GARNL3: variants seen among roughly 807,000 people sequenced by gnomAD.
GARNL3 encodes the protein GTPase activating Rap/RanGAP domain like 3.
In GARNL3, 63 loss-of-function variants were observed where a neutral mutation model predicts 125.0. That is an observed-to-expected ratio of 0.50 (90% CI 0.41 to 0.62). GARNL3 has a LOEUF of 0.62. Among genes scored for constraint, GARNL3 ranks in the 20% least tolerant of loss-of-function variants. GARNL3 has a pLI of 0.00. For missense variants in GARNL3, 994 were observed against 1,244.0 expected (o/e 0.80, Z 3.02); for synonymous variants, 439 against 457.5 (o/e 0.96, Z 0.52).
chr9:127,381,587 GCTTTT>G (rs376080056), intron 22 of GARNL3, among the ~76,000 whole-genome samples: 21 of 151,718 alleles, frequency 1.4e-4, no homozygotes, highest in East Asian at 5.8e-4. Context: ...CTAGCTTCTA[GCTTTT>G]CTTTTCTTTT....
At chr9:127,274,709 C>T (rs1207046784) in intron 1 of GARNL3, among the ~76,000 whole-genome samples, 5 of 152,132 alleles carry the variant, frequency 3.3e-5, no homozygotes, top group Non-Finnish European at 7.3e-5. Flanking sequence ...GGGATATGGT[C>T]CCCTGATGTA....
chr9:127,342,413 C>G, intron 14 of GARNL3, 79 bp downstream of exon 14: 1 of 949,370 alleles, frequency 1.1e-6, no homozygotes, highest in South Asian at 1.3e-5. Flanking sequence ...AGCGATGAGG[C>G]CCTGGTGAGA....
chr9:127,253,821 A>G (rs1286354500), intron 2 of GARNL3, among the ~76,000 whole-genome samples: 1 of 152,174 alleles, frequency 6.6e-6, no homozygotes, highest in Non-Finnish European at 1.5e-5. Flanking sequence ...AATCTGTTTA[A>G]CAGGAAGAAG....
At chr9:127,295,023 T>A (rs1222349068) in intron 2 of GARNL3, among the ~76,000 whole-genome samples, 2 of 152,258 alleles carry the variant, frequency 1.3e-5, no homozygotes, top group Non-Finnish European at 2.9e-5. Context: ...GCCAAGCCTC[T>A]GAACAGTGCT....
At chr9:127,320,512 C>G (rs560303193) in intron 5 of GARNL3, among the ~76,000 whole-genome samples, 1 of 152,236 alleles carries the variant, frequency 6.6e-6, no homozygotes, top group African/African-American at 2.4e-5. Flanking sequence ...CTCTCTCCCT[C>G]TCTTATGAGT....
At chr9:127,231,234 T>G (rs1050890365) in intron 1 of GARNL3, among the ~76,000 whole-genome samples, 34 of 138,932 alleles carry the variant, frequency 2.4e-4, no homozygotes, top group Non-Finnish European at 4.0e-4. Context: ...TTTTGTTTTT[T>G]TTTTTTTTTT....
chr9:127,340,756 A>G (rs749193515), intron 13 of GARNL3, among the ~76,000 whole-genome samples: 2 of 151,012 alleles, frequency 1.3e-5, no homozygotes, highest in Non-Finnish European at 3.0e-5. Flanking sequence ...TCCAATCTTA[A>G]TCCTACTCCA....
chr9:127,240,048 C>T (rs1006135045), intron 1 of GARNL3, among the ~76,000 whole-genome samples: 26 of 152,104 alleles, frequency 1.7e-4, no homozygotes, highest in Non-Finnish European at 2.4e-4. Flanking sequence ...ATTAAGGATG[C>T]ATGTATATTT....
intron 2 of GARNL3, among the ~76,000 whole-genome samples, chr9:127,294,027 T>G (rs1475485589): frequency 6.6e-6 from 1 of 152,138 alleles, no homozygotes. Context: ...GGAGGTGGTT[T>G]CTTCTGATTC....
At position 127,339,678 on chromosome 9, in the gene GARNL3, C is replaced by G. The variant is rs1227974245; in HGVS notation, c.1062C>G (p.Leu354=). 2.5e-6 allele frequency: 4 copies of G among 1,613,602 alleles called. No homozygotes were observed. In the South Asian group the frequency reaches 3.3e-5, roughly 13 times the overall value. The change falls in exon 13 of 28, where the codon CTC becomes CTG. Residue 354 remains leucine, a synonymous_variant. Coordinates refer to ENST00000373387, the MANE Select transcript of GARNL3 (RefSeq NM_032293.5). ...TATTTTCAGAAGAGAGCGTACCACTCTTTGGCCCTCCCTTGCCAACTCCAC... is the reference window on the plus strand; with the variant it reads ...TATTTTCAGAAGAGAGCGTACCACTGTTTGGCCCTCCCTTGCCAACTCCAC... ...LKIFSEESVP[L]FGPPLPTPPV...
chr9:127,354,120 T>C (rs1306034778), intron 18 of GARNL3, among the ~76,000 whole-genome samples, 174 bp from the exon 19 acceptor site: 1 of 151,988 alleles, frequency 6.6e-6, no homozygotes, highest in African/African-American at 2.4e-5. Flanking sequence ...GGGAAGCCGT[T>C]GGGGGAAAGG....
Position 127,353,891 on chromosome 9 carries a change from A to T in GARNL3, c.1589A>T (p.Lys530Met). The change falls in exon 18 of 28, where the codon AAG (lysine) becomes ATG (methionine). Residue 530 changes from lysine (K) to methionine (M), a missense_variant. By Grantham distance (95) the Lys-to-Met change is moderately conservative (BLOSUM62 -1). Coordinates refer to ENST00000373387, the MANE Select transcript of GARNL3 (RefSeq NM_032293.5). Reference protein sequence around the residue: ...VPVFDRTLPVKQMHVLETLDL... With the variant: ...VPVFDRTLPVMQMHVLETLDL... ...GTGTTTGACAGAACTCTGCCAGTGA[A>T]GCAAATGCATGTGCTTGAGACCCTG... is the stretch of plus-strand genomic sequence containing the variant. 2.5e-6 allele frequency: 4 copies of T among 1,614,004 alleles called. No homozygotes were observed. Among genetic ancestry groups the T allele is most frequent in the Non-Finnish European group, 3.4e-6 (4 of 1,179,886 alleles).
chr9:127,338,828 A>G lies in GARNL3; in HGVS notation c.1028+667A>G, dbSNP rs376237501. 3.4e-4 allele frequency among the ~76,000 whole-genome samples: 52 copies of G among 152,302 alleles called. No individual in the cohort carries two copies. In the South Asian group the frequency reaches 9.7e-3, roughly 29 times the overall value. On this transcript the variant is annotated intron_variant, in intron 12 of 27. Coordinates refer to ENST00000373387, the MANE Select transcript of GARNL3 (RefSeq NM_032293.5). ...CCTCAAAGCACATTGACTAAGCTGG[A>G]GGGGAAAGCGAGGTAGTGGCCTCGG...
At chr9:127,305,720 A>C (rs1323166771) in intron 2 of GARNL3, among the ~76,000 whole-genome samples, 1 of 151,782 alleles carries the variant, frequency 6.6e-6, no homozygotes. Context: ...CTACAGGCAC[A>C]CACTACCATA....
At chr9:127,304,915 G>T (rs1320937394) in intron 2 of GARNL3, among the ~76,000 whole-genome samples, 1 of 152,158 alleles carries the variant, frequency 6.6e-6, no homozygotes, top group Non-Finnish European at 1.5e-5. Context: ...GTAAATTGTG[G>T]TATTCTTCCA....
intron 1 of GARNL3, among the ~76,000 whole-genome samples, chr9:127,228,293 A>G (rs2062947654): frequency 6.6e-6 from 1 of 152,240 alleles, no homozygotes; most frequent in Non-Finnish European, 1.5e-5. Context: ...AACTTTTATA[A>G]ACAGGTCATC....
At chr9:127,329,396 G>A (rs528957342) in intron 7 of GARNL3, among the ~76,000 whole-genome samples, 2 of 152,082 alleles carry the variant, frequency 1.3e-5, no homozygotes, top group Non-Finnish European at 2.9e-5. Context: ...CTACCTTGAA[G>A]ATCCTACACC....
At chr9:127,273,965 T>G (rs2131303079) in intron 1 of GARNL3, among the ~76,000 whole-genome samples, 1 of 152,348 alleles carries the variant, frequency 6.6e-6, no homozygotes, top group South Asian at 2.1e-4. Context: ...GTTTTCAGTT[T>G]ATTTACCTAC....
intron 17 of GARNL3, among the ~76,000 whole-genome samples, chr9:127,351,456 G>A (rs1830420940): frequency 6.6e-6 from 1 of 151,374 alleles, no homozygotes; most frequent in African/African-American, 2.4e-5. Flanking sequence ...GTACAATGAT[G>A]CTTCTGTTTG....
Sources: gnomAD v4.1 joint callset for allele counts (sites outside exome capture counted in the v4.1 genomes callset) on GRCh38, gnomAD v4.1.1 for gene constraint, MANE v1.5 for transcripts, NCBI Gene and HGNC (gene_info 2026-07-23, HGNC 2026-07-21) for gene names.